AK9: variants seen among roughly 807,000 people sequenced by gnomAD.
AK9 encodes adenylate kinase 9.
AK9 carries 191 observed loss-of-function variants against 239.6 expected under a neutral mutation model. The ratio of observed to expected loss-of-function variants is 0.80; its 90% CI spans 0.71 to 0.90. The LOEUF is 0.90. AK9 is among the 40% of genes least tolerant of loss of function. The pLI, the probability that AK9 is intolerant of heterozygous loss-of-function variation, is 0.00. For synonymous variants in AK9, 689 were observed against 721.0 expected (o/e 0.96, Z 0.71); for missense variants, 1,995 against 2,214.7 (o/e 0.90, Z 1.99).
chr6:109,571,312 A>G (rs1787385586), intron 21 of AK9, among the ~76,000 whole-genome samples: 2 of 152,186 alleles, frequency 1.3e-5, no homozygotes, highest in Admixed American at 6.5e-5. Context: ...GCATTCAACA[A>G]TGTGGAGAAG....
At chr6:109,513,926 TCAG>T (rs1779003466) in intron 32 of AK9, among the ~76,000 whole-genome samples, 1 of 152,166 alleles carries the variant, frequency 6.6e-6, no homozygotes, top group Non-Finnish European at 1.5e-5. Context: ...CCCCACCGAA[TCAG>T]CAGGAGAAGT....
intron 33 of AK9, among the ~76,000 whole-genome samples, chr6:109,507,828 G>A (rs1778268692): frequency 6.6e-6 from 1 of 152,210 alleles, no homozygotes; most frequent in South Asian, 2.1e-4. Context: ...TAACTTAGGA[G>A]TATGTGCCTG....
intron 29 of AK9, among the ~76,000 whole-genome samples, chr6:109,518,975 C>G (rs977050729): frequency 4.6e-5 from 7 of 152,118 alleles, no homozygotes; most frequent in African/African-American, 1.7e-4. Context: ...CCTCCTCCTT[C>G]TAGGTGTTCT....
chr6:109,633,325 T>C lies in AK9; in HGVS notation c.934-2A>G. On this transcript the variant is annotated splice_acceptor_variant, in intron 10 of 40. Transcript: ENST00000424296. LOFTEE classifies it high-confidence loss of function. Reference sequence around the variant, plus strand: ...TGCAAGAGTACGAAATAGCTCATCCTGTGAATTGCAAATACTACATTAAAA... The same window carrying C: ...TGCAAGAGTACGAAATAGCTCATCCCGTGAATTGCAAATACTACATTAAAA... The C allele has an allele frequency of 6.3e-7, 1 of 1,590,122 alleles. No homozygotes were observed. The highest frequency in any genetic ancestry group is 8.5e-7 in the Non-Finnish European group (1 of 1,175,902).
chr6:109,592,123 T>C lies in AK9; in HGVS notation c.1843-6051A>G, dbSNP rs979980821. On this transcript the variant is annotated intron_variant, in intron 17 of 40. Coordinates refer to ENST00000424296, the MANE Select transcript of AK9 (RefSeq NM_001145128.3). ...ACATCACGTGTAGGAATGCTACATT[T>C]TCTAGGATTTGACATTTTCAGCAAT... is the stretch of plus-strand genomic sequence containing the variant. 7.9e-5 allele frequency among the ~76,000 whole-genome samples: 12 copies of C among 152,318 alleles called. No individual in the cohort carries two copies. The East Asian group carries it at 2.3e-3, about 29-fold the overall frequency.
intron 21 of AK9, among the ~76,000 whole-genome samples, chr6:109,565,110 T>A (rs766092580): frequency 2.0e-5 from 3 of 152,198 alleles, no homozygotes; most frequent in Non-Finnish European, 4.4e-5. Context: ...GATAATTTGT[T>A]AAATATTAAT....
In AK9 at chr6:109,656,885, C is replaced by T. The variant is rs1376791944; in HGVS notation, c.631-1G>A. On this transcript the variant is annotated splice_acceptor_variant, in intron 7 of 40. Coordinates refer to ENST00000424296, the MANE Select transcript of AK9 (RefSeq NM_001145128.3). LOFTEE classifies it high-confidence loss of function. ...CCATCTGCATTTCGGCAATAAATGC[C>T]TAAATGGAAAAGAAGAGATTTCAAA... 11 of 1,611,904 alleles carry T rather than the reference C, an allele frequency of 6.8e-6. No homozygotes were observed. The highest frequency in any genetic ancestry group is 7.6e-6 in the Non-Finnish European group (9 of 1,178,956).
chr6:109,526,105 G>T (rs9487135), intron 29 of AK9, among the ~76,000 whole-genome samples: 1 of 151,850 alleles, frequency 6.6e-6, no homozygotes, highest in Non-Finnish European at 1.5e-5. Context: ...ACACAAAGAG[G>T]AGAACAAAAG....
chr6:109,649,022 C>T (rs1288507911), intron 8 of AK9, among the ~76,000 whole-genome samples: 10 of 152,144 alleles, frequency 6.6e-5, no homozygotes, highest in African/African-American at 2.4e-4. Flanking sequence ...GCAGAAAAGG[C>T]CTTTGACAAA....
intron 27 of AK9, among the ~76,000 whole-genome samples, chr6:109,534,436 G>A (rs1781700150): frequency 6.7e-6 from 1 of 149,714 alleles, no homozygotes. Context: ...CTGAAATTTG[G>A]TTTGTTTTTA....
chr6:109,530,942 C>T (rs1487927589), intron 28 of AK9, among the ~76,000 whole-genome samples: 1 of 152,072 alleles, frequency 6.6e-6, no homozygotes, highest in Non-Finnish European at 1.5e-5. Flanking sequence ...ACTTGGGAGG[C>T]TGAGGCAGGA....
chr6:109,634,481 C>T (rs1297404569), intron 10 of AK9, among the ~76,000 whole-genome samples: 1 of 152,124 alleles, frequency 6.6e-6, no homozygotes, highest in Admixed American at 6.6e-5. Flanking sequence ...GAAAACTGCT[C>T]CCCCCAACCC....
intron 5 of AK9, among the ~76,000 whole-genome samples, chr6:109,669,302 GT>G (rs1265335101): frequency 1.3e-5 from 2 of 152,100 alleles, no homozygotes; most frequent in Non-Finnish European, 2.9e-5. Flanking sequence ...AGACGATGGG[GT>G]TTTCTAGGTA....
At chr6:109,512,670 A>C (rs139146639) in intron 32 of AK9, among the ~76,000 whole-genome samples, 94 of 152,310 alleles carry the variant, frequency 6.2e-4, no homozygotes, top group African/African-American at 2.0e-3. Flanking sequence ...TTCCTTGGAA[A>C]TGTATCCTAT....
intron 29 of AK9, among the ~76,000 whole-genome samples, chr6:109,525,443 A>C (rs1262134405): frequency 6.6e-6 from 1 of 152,198 alleles, no homozygotes; most frequent in Non-Finnish European, 1.5e-5. Flanking sequence ...CAGAATCTAT[A>C]AGGAACTTAA....
At chr6:109,524,020 C>T (rs1780159720) in intron 29 of AK9, among the ~76,000 whole-genome samples, 1 of 152,060 alleles carries the variant, frequency 6.6e-6, no homozygotes, top group South Asian at 2.1e-4. Flanking sequence ...GACCCATCCT[C>T]ATAAAGAAAG....
At position 109,628,507 on chromosome 6, in the gene AK9, G is replaced by A. The variant is rs115776268; in HGVS notation, c.1254+4416C>T. On this transcript the variant is annotated intron_variant, in intron 12 of 40. Transcript: ENST00000424296. Reference sequence around the variant, plus strand: ...GCTCATCTCATGAGTTTCTCTTCCCGCAGGGATCACGTTAGGAGGGTTAGT... The same window carrying A: ...GCTCATCTCATGAGTTTCTCTTCCCACAGGGATCACGTTAGGAGGGTTAGT... 2.2e-3 allele frequency among the ~76,000 whole-genome samples: 335 copies of A among 152,224 alleles called. 2 individuals are homozygous for A. The highest frequency in any genetic ancestry group is 7.8e-3 in the African/African-American group (323 of 41,540).
intron 29 of AK9, among the ~76,000 whole-genome samples, chr6:109,518,016 T>C (rs1779442756): frequency 6.6e-6 from 1 of 152,084 alleles, no homozygotes; most frequent in African/African-American, 2.4e-5. Flanking sequence ...TCCTAAATAA[T>C]GCTCAACACT....
intron 24 of AK9, among the ~76,000 whole-genome samples, chr6:109,556,963 A>G (rs1234161718): frequency 1.3e-5 from 2 of 151,992 alleles, no homozygotes; most frequent in East Asian, 1.9e-4. Context: ...TTTATTACCT[A>G]TCTTCTGAAT....
Sources: gnomAD v4.1 joint callset for allele counts (sites outside exome capture counted in the v4.1 genomes callset) on GRCh38, gnomAD v4.1.1 for gene constraint, MANE v1.5 for transcripts, NCBI Gene and HGNC (gene_info 2026-07-23, HGNC 2026-07-21) for gene names.